Variants in KIF19 observed in about 807,000 individuals in gnomAD.
KIF19 encodes the protein kinesin-like protein KIF19.
KIF19 carries 98 observed loss-of-function variants against 106.6 expected under a neutral mutation model. The ratio of observed to expected loss-of-function variants is 0.92; its 90% CI spans 0.78 to 1.09. KIF19 has a LOEUF of 1.09. Ranked by LOEUF, KIF19 falls within the 50% of genes least tolerant of loss-of-function variation. KIF19 has a pLI of 0.00. For missense variants in KIF19, 1,373 were observed against 1,414.3 expected, an observed-to-expected ratio of 0.97 and a Z score of 0.47; for synonymous variants, 516 against 584.2, an observed-to-expected ratio of 0.88 and a Z score of 1.68.
chr17:74,344,646 G>T, intron 6 of KIF19, 115 bp from the exon 7 acceptor site: 4 of 1,135,652 alleles, frequency 3.5e-6, no homozygotes, highest in Non-Finnish European at 5.0e-6. Context: ...ACTCCAGCCT[G>T]CCCTTTCCCA....
At chr17:74,353,084 G>C in intron 15 of KIF19, 112 bp from the exon 16 acceptor site, 1 of 1,401,516 alleles carries the variant, frequency 7.1e-7, no homozygotes, top group Non-Finnish European at 9.9e-7. Flanking sequence ...CTGGAGCCAG[G>C]ACTCCTGGGT....
chr17:74,348,549 A>G (rs2054600799), intron 9 of KIF19: 1 of 160,018 alleles, frequency 6.2e-6, no homozygotes, highest in African/African-American at 2.4e-5. Flanking sequence ...ACATTCTCCC[A>G]ACACCTAACA....
Position 74,348,026 on chromosome 17 carries a change from G to A in KIF19, c.1047+127G>A, listed in dbSNP as rs2054588797. On this transcript the variant is annotated intron_variant, in intron 9 of 19. Coordinates refer to ENST00000389916, the MANE Select transcript of KIF19 (RefSeq NM_153209.4). ...ACTGCTGCACTGGCCTCATTCCCTA[G>A]TTGATCGTCACCTGTACACTTTCCC... The A allele has an allele frequency of 5.2e-6, 6 of 1,157,046 alleles. No individual in the cohort carries two copies. The East Asian group carries it at 1.6e-4, about 31-fold the overall frequency. 71.7% of individuals were successfully genotyped at this position (1,157,046 alleles called of 1,614,324 possible).
At chr17:74,339,822 TG>T (rs952818801) in intron 2 of KIF19, among the ~76,000 whole-genome samples, 9 of 151,978 alleles carry the variant, frequency 5.9e-5, no homozygotes, top group African/African-American at 2.2e-4. Context: ...TGGTTGGGGG[TG>T]GTGCATGAGG....
Position 74,355,152 on chromosome 17 carries a change from C to T in KIF19, c.2867-30C>T, listed in dbSNP as rs2054843659. 5.7e-6 allele frequency: 9 copies of T among 1,566,908 alleles called. No individual in the cohort carries two copies. In the Middle Eastern group the frequency reaches 5.6e-4, roughly 97 times the overall value. ...GAGGAGTTGGGGAGGCATTCCGAAA[C>T]CACTGATCCTGCCCCTTTCCCTGTT... On this transcript the variant is annotated intron_variant, in intron 19 of 19. Transcript: ENST00000389916.
intron 2 of KIF19, among the ~76,000 whole-genome samples, chr17:74,338,093 G>T (rs537028886): frequency 2.4e-4 from 37 of 152,340 alleles, no homozygotes; most frequent in Middle Eastern, 6.8e-3. Flanking sequence ...TTGTATGAAG[G>T]TCATGGGTGG....
At chr17:74,336,662 C>T (rs1013714487) in intron 2 of KIF19, among the ~76,000 whole-genome samples, 4 of 152,196 alleles carry the variant, frequency 2.6e-5, no homozygotes, top group South Asian at 2.1e-4. Flanking sequence ...TTTGTCCACT[C>T]GTGCCCTTGG....
chr17:74,342,890 C>A, intron 4 of KIF19, 134 bp from the exon 5 acceptor site: 1 of 1,240,302 alleles, frequency 8.1e-7, no homozygotes, highest in South Asian at 1.5e-5. Flanking sequence ...ATCATCCTCC[C>A]CACTCCCCAC....
At chr17:74,332,220 G>T (rs142574526) in intron 2 of KIF19, among the ~76,000 whole-genome samples, 2,146 of 131,008 alleles carry the variant, frequency 0.016, 26 homozygotes, top group African/African-American at 0.039. Context: ...TTGTGTGTGT[G>T]TGTGTGTGTG....
At chr17:74,349,154 T>A (rs2144278613) in intron 9 of KIF19, 30 bp from the exon 10 acceptor site, 1 of 1,612,726 alleles carries the variant, frequency 6.2e-7, no homozygotes, top group African/African-American at 1.3e-5. Context: ...GGTGACTGCA[T>A]CCCCTCCGCT....
chr17:74,350,814 A>T lies in KIF19; in HGVS notation c.1496A>T (p.Gln499Leu). The T allele has an allele frequency of 6.2e-7, 1 of 1,614,038 alleles. No individual in the cohort carries two copies. Among genetic ancestry groups the T allele is most frequent in the Non-Finnish European group, 8.5e-7 (1 of 1,179,892 alleles). The change falls in exon 12 of 20, where the codon CAA becomes CTA. Residue 499 changes from glutamine (Q) to leucine (L), a missense_variant. By Grantham distance (113) the Gln-to-Leu change is moderately radical. Transcript: ENST00000389916. ...AAGGACTCAGACACAGGTGATGACCAACCAGACATCCTGGAGCCACCCGAG... is the reference window on the plus strand; with the variant it reads ...AAGGACTCAGACACAGGTGATGACCTACCAGACATCCTGGAGCCACCCGAG... ...SEKDSDTGDD[Q>L]PDILEPPEVA... is the part of the protein sequence containing the mutation.
intron 2 of KIF19, among the ~76,000 whole-genome samples, chr17:74,332,523 T>C (rs940146514): frequency 6.6e-6 from 1 of 152,100 alleles, no homozygotes; most frequent in African/African-American, 2.4e-5. Flanking sequence ...AGGCTGTTTG[T>C]CTGCAGGAGT....
At position 74,350,876 on chromosome 17, in the gene KIF19, G is replaced by A. The variant is rs750556031; in HGVS notation, c.1558G>A (p.Asp520Asn). 4 of 1,613,864 alleles carry A rather than the reference G, an allele frequency of 2.5e-6. No individual in the cohort carries two copies. Among genetic ancestry groups the A allele is most frequent in the African/African-American group, 2.7e-5 (2 of 74,946 alleles). Residue 520 changes from aspartate (D) to asparagine (N), a missense_variant, in exon 12 of 20, where the codon GAC (aspartate) becomes AAC (asparagine). Asp to Asn is a conservative substitution (Grantham distance 23). This residue lies in a region of KIF19 where 1,020 missense variants were observed against 1,008.2 expected (regional missense o/e 1.01). Transcript: ENST00000389916. ...AARESIAALV[D>N]EQKQLRKQKL... ...CCGGGAGAGCATTGCAGCCCTGGTGGACGAGCAGAAGCAACTGCGCAAGCA... is the reference window on the plus strand; with the variant it reads ...CCGGGAGAGCATTGCAGCCCTGGTGAACGAGCAGAAGCAACTGCGCAAGCA...
intron 2 of KIF19, among the ~76,000 whole-genome samples, chr17:74,334,616 C>T (rs1295849659): frequency 6.6e-6 from 1 of 152,178 alleles, no homozygotes; most frequent in Non-Finnish European, 1.5e-5. Context: ...CCTTCTCCAT[C>T]CAGCCTGAAG....
intron 2 of KIF19, among the ~76,000 whole-genome samples, chr17:74,337,282 G>A (rs983222499): frequency 1.3e-5 from 2 of 152,032 alleles, no homozygotes; most frequent in African/African-American, 4.8e-5. Context: ...GGCCTTTAGA[G>A]GGAGGCTCAG....
chr17:74,335,501 C>T (rs2054196412), intron 2 of KIF19, among the ~76,000 whole-genome samples: 1 of 152,238 alleles, frequency 6.6e-6, no homozygotes, highest in African/African-American at 2.4e-5. Flanking sequence ...TGGCCTGAGG[C>T]CCCCACTTCC....
At chr17:74,339,643 C>T (rs781485179) in intron 2 of KIF19, among the ~76,000 whole-genome samples, 1 of 152,206 alleles carries the variant, frequency 6.6e-6, no homozygotes, top group Non-Finnish European at 1.5e-5. Context: ...GCACTCCGTT[C>T]AGCACCCACG....
intron 8 of KIF19, 148 bp from the exon 9 acceptor site, chr17:74,347,629 C>T: frequency 1.2e-6 from 1 of 841,270 alleles, no homozygotes; most frequent in South Asian, 1.7e-5. Context: ...TCCTCCCAAG[C>T]CTCACACCAT....
At chr17:74,339,665 C>T (rs937565129) in intron 2 of KIF19, among the ~76,000 whole-genome samples, 2 of 148,660 alleles carry the variant, frequency 1.3e-5, no homozygotes, top group African/African-American at 2.4e-5. Context: ...CCCCAGGGAG[C>T]ATGCTCCCTT....
Sources: gnomAD v4.1 joint callset for allele counts (sites outside exome capture counted in the v4.1 genomes callset) on GRCh38, gnomAD v4.1.1 for gene constraint, gnomAD v4.1.1 regional missense constraint, MANE v1.5 for transcripts, NCBI Gene and HGNC (gene_info 2026-07-23, HGNC 2026-07-21) for gene names.